CPAMD8: variants seen among roughly 807,000 people sequenced by gnomAD.
CPAMD8 encodes the protein C3 and PZP like alpha-2-macroglobulin domain containing 8, also known as C3 and PZP-like alpha-2-macroglobulin domain-containing protein 8.
CPAMD8 carries 146 observed loss-of-function variants against 224.7 expected under a neutral mutation model. The observed-to-expected ratio is 0.65, with a 90% confidence interval of 0.57 to 0.75. CPAMD8 has a LOEUF of 0.75. Among genes scored for constraint, CPAMD8 ranks in the 30% least tolerant of loss-of-function variants. The pLI is 0.00. For synonymous variants in CPAMD8, 966 were observed against 1,044.6 expected, an observed-to-expected ratio of 0.92 and a Z score of 1.45; for missense variants, 2,301 against 2,537.5, an observed-to-expected ratio of 0.91 and a Z score of 2.00.
At chr19:16,918,668 G>A (rs888246255) in intron 27 of CPAMD8, among the ~76,000 whole-genome samples, 3 of 150,816 alleles carry the variant, frequency 2.0e-5, no homozygotes, top group Non-Finnish European at 2.9e-5. Flanking sequence ...GCTGGTCTCC[G>A]ACTCCTGGCC....
rs574416194 is a variant in CPAMD8, at chr19:16,914,414, C to A, written c.3861+10G>T. 1 of 1,613,728 alleles carries A rather than the reference C, an allele frequency of 6.2e-7. No individual in the cohort carries two copies. Among genetic ancestry groups the A allele is most frequent in the South Asian group, 1.1e-5 (1 of 91,074 alleles). ...AGCCCCGAGTCTCCCCAAACCCCTT[C>A]TGTACTCACCTCTGAGGCTGTGCCT... On this transcript the variant is annotated intron_variant, in intron 29 of 41. Coordinates refer to ENST00000443236, the MANE Select transcript of CPAMD8 (RefSeq NM_015692.5).
chr19:16,966,447 C>T (rs1022393021), intron 18 of CPAMD8, among the ~76,000 whole-genome samples: 1 of 152,186 alleles, frequency 6.6e-6, no homozygotes, highest in African/African-American at 2.4e-5. Flanking sequence ...GACTTCACGA[C>T]TAAAACACCA....
intron 29 of CPAMD8, 99 bp from the exon 30 acceptor site, chr19:16,907,216 G>C: frequency 7.2e-7 from 1 of 1,395,476 alleles, no homozygotes; most frequent in Non-Finnish European, 9.3e-7. Context: ...AGCTCTGGGT[G>C]ACTCCTAGCC....
chr19:16,927,949 A>C, intron 25 of CPAMD8, 60 bp downstream of exon 25: 1 of 1,219,298 alleles, frequency 8.2e-7, no homozygotes, highest in Non-Finnish European at 1.2e-6. Flanking sequence ...CTAAGCCTGG[A>C]GTCTCAACTT....
Position 16,904,512 on chromosome 19 carries a change from C to G in CPAMD8, c.4068G>C (p.Val1356=), listed in dbSNP as rs1404274527. 6.2e-7 allele frequency: 1 copy of G among 1,614,180 alleles called. No homozygotes were observed. Among genetic ancestry groups the G allele is most frequent in the East Asian group, 2.2e-5 (1 of 44,886 alleles). Residue 1356 remains valine (V), a synonymous_variant, in exon 31 of 42, where the codon GTG becomes GTC. Coordinates refer to ENST00000443236, the MANE Select transcript of CPAMD8 (RefSeq NM_015692.5). The part of the protein sequence containing the change: ...THWSLSNSWD[V]DKGTFLSFSD... ...TGAAGCTCAAGAATGTGCCCTTGTC[C>G]ACGTCCCAGGAATTTGACAGGCTCC...
rs1234420210 is a variant in CPAMD8, at chr19:16,896,525, G to C, written c.5206C>G (p.Arg1736Gly). 6.9e-7 allele frequency: 1 copy of C among 1,443,892 alleles called. No homozygotes were observed. Among genetic ancestry groups the C allele is most frequent in the Non-Finnish European group, 9.0e-7 (1 of 1,109,290 alleles). 89.4% of individuals were successfully genotyped at this position (1,443,892 alleles called of 1,614,324 possible). Residue 1736 changes from arginine to glycine, a missense_variant, in exon 40 of 42, where the codon CGC becomes GGC. Physicochemically the swap from Arg to Gly is moderately radical, Grantham distance 125. Transcript: ENST00000443236. The stretch of plus-strand genomic sequence containing the variant: ...TGGCGGCAGGCGGCCTCCCGCAGGC[G>C]GCAGGCGCTGGCGTAGACCACCCCG... ...SDGVVYASAC[R>G]LREAACRQAA... is the part of the protein sequence containing the mutation.
At chr19:16,896,125 G>T in intron 41 of CPAMD8, 51 bp downstream of exon 41, 2 of 1,596,294 alleles carry the variant, frequency 1.3e-6, no homozygotes, top group Non-Finnish European at 1.7e-6. Context: ...GAGGGAGGTG[G>T]GGAGATATTG....
intron 19 of CPAMD8, 109 bp downstream of exon 19, chr19:16,957,744 C>A: frequency 1.0e-6 from 1 of 982,974 alleles, no homozygotes; most frequent in Non-Finnish European, 1.6e-6. Flanking sequence ...CAGTGTCTTG[C>A]TCAGATGTTG....
At chr19:16,995,975 C>T (rs894434889) in intron 11 of CPAMD8, among the ~76,000 whole-genome samples, 1 of 151,858 alleles carries the variant, frequency 6.6e-6, no homozygotes, top group Non-Finnish European at 1.5e-5. Context: ...TGTGGTGAAA[C>T]CCCGTCTCTA....
At chr19:17,002,905 C>CAT (rs2056376465) in intron 8 of CPAMD8, among the ~76,000 whole-genome samples, 1 of 133,450 alleles carries the variant, frequency 7.5e-6, no homozygotes. Context: ...CTTTTCTTTT[C>CAT]TTTTCTTTTT....
chr19:16,962,960 A>G (rs1332954692), intron 18 of CPAMD8, among the ~76,000 whole-genome samples: 1 of 152,230 alleles, frequency 6.6e-6, no homozygotes, highest in Non-Finnish European at 1.5e-5. Context: ...TAAGTGAAGG[A>G]GAAATAAAAT....
rs2055219924 is a variant in CPAMD8 at position 16,975,249 on chromosome 19, C to T, written c.1918G>A (p.Glu640Lys). ...TCAGAAACATCATAATCTTCCAGTT[C>T]CTGGAAAACCTGCAGGCAAAGGGGG... is the stretch of plus-strand genomic sequence containing the variant. ...FRLTPAQVFQ[E>K]LEDYDVSDSF... is the part of the protein sequence containing the mutation. The change falls in exon 17 of 42, where the codon GAA (glutamate) becomes AAA (lysine). Residue 640 changes from glutamate (E) to lysine (K), a missense_variant. By Grantham distance (56) the Glu-to-Lys change is moderately conservative. Around this residue, in one of 4 missense-constraint regions of CPAMD8, gnomAD observed 1,709 missense variants for 1,753.2 expected, o/e 0.97. Transcript: ENST00000443236. The T allele has an allele frequency of 8.7e-6, 14 of 1,602,184 alleles. No homozygotes were observed. Among genetic ancestry groups the T allele is most frequent in the South Asian group, 2.2e-5 (2 of 89,144 alleles).
At chr19:17,017,504 T>C (rs534666743) in intron 3 of CPAMD8, among the ~76,000 whole-genome samples, 1 of 152,274 alleles carries the variant, frequency 6.6e-6, no homozygotes, top group African/African-American at 2.4e-5. Flanking sequence ...GTTTCCTGAA[T>C]GTGGACTTCT....
At chr19:16,905,240 T>A (rs1288522802) in intron 30 of CPAMD8, among the ~76,000 whole-genome samples, 1 of 151,232 alleles carries the variant, frequency 6.6e-6, no homozygotes, top group African/African-American at 2.4e-5. Context: ...AGAGTGAGAC[T>A]GTCTCAATAA....
chr19:16,962,413 G>A (rs566452077), intron 18 of CPAMD8, among the ~76,000 whole-genome samples: 1 of 152,274 alleles, frequency 6.6e-6, no homozygotes, highest in Non-Finnish European at 1.5e-5. Context: ...TTCAATAGCC[G>A]ATTCGATCAA....
At chr19:16,987,179 A>AAATATATATATATATATATAT in intron 13 of CPAMD8, among the ~76,000 whole-genome samples, 1 of 53,922 alleles carries the variant, frequency 1.9e-5, no homozygotes, top group Admixed American at 3.2e-4. Flanking sequence ...AAAAAAAAAA[A>AAATATATATATATATATATAT]ATATATATAT....
intron 27 of CPAMD8, among the ~76,000 whole-genome samples, chr19:16,921,132 C>A (rs2053159417): frequency 6.6e-6 from 1 of 152,056 alleles, no homozygotes; most frequent in Non-Finnish European, 1.5e-5. Context: ...CAACCCTGGG[C>A]CCCTCTGGAG....
At chr19:16,906,386 CTTTCTTTCTTTCTT>C (rs1568459574) in intron 30 of CPAMD8, among the ~76,000 whole-genome samples, 49 of 75,480 alleles carry the variant, frequency 6.5e-4, no homozygotes, top group African/African-American at 1.8e-3. Context: ...TTCTTTCTTT[CTTTCTTTCTTTCTT>C]TCTTTCTTTC....
chr19:16,993,447 A>T lies in CPAMD8; in HGVS notation c.1235T>A (p.Ile412Asn), dbSNP rs745871667. 1 of 1,613,700 alleles carries T rather than the reference A, an allele frequency of 6.2e-7. No homozygotes were observed. Among genetic ancestry groups the T allele is most frequent in the South Asian group, 1.1e-5 (1 of 91,036 alleles). ...RGLVGFEIPS[I>N]PTSAQHVWLE... The stretch of plus-strand genomic sequence containing the variant: ...CCACACGTGCTGGGCTGACGTGGGG[A>T]TGGAGGGGATTTCAAACCCCACTAG... Residue 412 changes from isoleucine (I) to asparagine (N), a missense_variant, in exon 12 of 42, where the codon ATC becomes AAC. Around this residue, in one of 4 missense-constraint regions of CPAMD8, gnomAD observed 301 missense variants for 406.6 expected, o/e 0.74. Transcript: ENST00000443236.
Sources: allele counts gnomAD v4.1 joint callset (sites outside exome capture counted in the v4.1 genomes callset), GRCh38; gene constraint gnomAD v4.1.1; regional missense constraint gnomAD v4.1.1; transcripts MANE v1.5; gene names NCBI Gene and HGNC (gene_info 2026-07-23, HGNC 2026-07-21).